Variants in SLCO2B1 observed in about 807,000 individuals in gnomAD.
The protein encoded by SLCO2B1 is OATP-RP2.
In SLCO2B1, 41 loss-of-function variants were observed where a neutral mutation model predicts 67.3. That is an observed-to-expected ratio of 0.61 (90% CI 0.47 to 0.79). SLCO2B1 has a LOEUF of 0.79. Among genes scored for constraint, SLCO2B1 ranks in the 30% least tolerant of loss-of-function variants. SLCO2B1 has a pLI of 0.00. For synonymous variants in SLCO2B1, 379 were observed against 381.4 expected (o/e 0.99, Z 0.07); for missense variants, 837 against 920.1 (o/e 0.91, Z 1.17).
intron 10 of SLCO2B1, among the ~76,000 whole-genome samples, chr11:75,196,887 T>C (rs1202525649): frequency 1.3e-5 from 2 of 152,204 alleles, no homozygotes; most frequent in South Asian, 2.1e-4. Context: ...CCCAACACTT[T>C]GGGAGGCCGA....
chr11:75,188,697 G>A (rs1402804672), intron 8 of SLCO2B1, among the ~76,000 whole-genome samples: 1 of 152,192 alleles, frequency 6.6e-6, no homozygotes, highest in African/African-American at 2.4e-5. Flanking sequence ...CTGCACTCCA[G>A]CAGACAGAGA....
chr11:75,170,908 A>T (rs560988689), intron 6 of SLCO2B1, among the ~76,000 whole-genome samples: 1 of 152,298 alleles, frequency 6.6e-6, no homozygotes, highest in African/African-American at 2.4e-5. Context: ...GTATCTCCAC[A>T]GGCAGATGTG....
chr11:75,155,915 G>A lies in SLCO2B1; in HGVS notation c.16+4518G>A, dbSNP rs575170601. 2.8e-4 allele frequency among the ~76,000 whole-genome samples: 42 copies of A among 152,160 alleles called. 1 individual carries two copies. The highest frequency in any genetic ancestry group is 5.0e-4 in the Non-Finnish European group (34 of 68,030). ...TGGAGCCAGGGAATAATGCTCACTAGGGTGGGGGGTACGTGGGATGGGACT... is the reference window on the plus strand; with the variant it reads ...TGGAGCCAGGGAATAATGCTCACTAAGGTGGGGGGTACGTGGGATGGGACT... On this transcript the variant is annotated intron_variant, in intron 1 of 13. Coordinates refer to ENST00000289575, the MANE Select transcript of SLCO2B1 (RefSeq NM_007256.5).
At chr11:75,157,325 T>A (rs114326655) in intron 1 of SLCO2B1, among the ~76,000 whole-genome samples, 3,856 of 152,324 alleles carry the variant, frequency 0.025, 171 homozygotes, top group African/African-American at 0.088. Flanking sequence ...ATGTGAATGT[T>A]GACGGTAAGG....
At chr11:75,167,367 G>A (rs1057281318) in intron 4 of SLCO2B1, among the ~76,000 whole-genome samples, 16 of 152,204 alleles carry the variant, frequency 1.1e-4, no homozygotes, top group South Asian at 4.2e-4. Context: ...CTTTTTCTGT[G>A]CAAGGTCATG....
chr11:75,196,558 G>T lies in SLCO2B1; in HGVS notation c.1478G>T (p.Cys493Phe). Residue 493 changes from cysteine to phenylalanine, a missense_variant, in exon 10 of 14, where the codon TGC (cysteine) becomes TTC (phenylalanine). Cys to Phe is a radical substitution (Grantham distance 205). Coordinates refer to ENST00000289575, the MANE Select transcript of SLCO2B1 (RefSeq NM_007256.5). ...CTGTCTCCAAGCTGCATGGAGGCCT[G>T]CTCCTGCCCATTGGACGGCTTTAAC... ...LELSPSCMEA[C>F]SCPLDGFNPV... 6.2e-7 allele frequency: 1 copy of T among 1,614,102 alleles called. No individual in the cohort carries two copies. The highest frequency in any genetic ancestry group is 8.5e-7 in the Non-Finnish European group (1 of 1,180,026).
intron 1 of SLCO2B1, among the ~76,000 whole-genome samples, chr11:75,161,928 G>A (rs1057168543): frequency 1.3e-5 from 2 of 152,122 alleles, no homozygotes; most frequent in Non-Finnish European, 2.9e-5. Flanking sequence ...AAGCCAACAT[G>A]CATAAGGGAG....
intron 2 of SLCO2B1, among the ~76,000 whole-genome samples, 182 bp from the exon 3 acceptor site, chr11:75,163,781 C>T (rs1949852601): frequency 6.6e-6 from 1 of 151,972 alleles, no homozygotes; most frequent in Non-Finnish European, 1.5e-5. Flanking sequence ...CCCCTCCCTC[C>T]TCCTCTCCCT....
intron 8 of SLCO2B1, among the ~76,000 whole-genome samples, chr11:75,190,104 G>C (rs925687042): frequency 2.8e-4 from 43 of 152,218 alleles, no homozygotes; most frequent in Admixed American, 2.4e-3. Flanking sequence ...CCTAGCCTCA[G>C]GCCACCCCCA....
intron 3 of SLCO2B1, among the ~76,000 whole-genome samples, chr11:75,165,252 T>G (rs1355319373): frequency 1.3e-5 from 2 of 152,024 alleles, no homozygotes; most frequent in Non-Finnish European, 2.9e-5. Flanking sequence ...GCCGACATGG[T>G]GAAACCCCGT....
intron 1 of SLCO2B1, among the ~76,000 whole-genome samples, chr11:75,155,297 C>G (rs367954159): frequency 3.0e-4 from 45 of 152,224 alleles, no homozygotes; most frequent in African/African-American, 1.1e-3. Context: ...GCCTTTGACT[C>G]TCTCTCCTCC....
intron 2 of SLCO2B1, 67 bp downstream of exon 2, chr11:75,162,852 G>A (rs1949839201): frequency 6.5e-7 from 1 of 1,541,150 alleles, no homozygotes; most frequent in African/African-American, 1.4e-5. Context: ...TGCTGGTGGT[G>A]TAATGCCAAG....
intron 7 of SLCO2B1, among the ~76,000 whole-genome samples, 183 bp downstream of exon 7, chr11:75,172,752 A>AC (rs987931631): frequency 2.0e-5 from 3 of 151,878 alleles, no homozygotes; most frequent in Non-Finnish European, 2.9e-5. Context: ...ACACGGTGAA[A>AC]CCCCGTCTCT....
At chr11:75,151,642 G>A (rs1565528937) in intron 1 of SLCO2B1, 1 of 567,142 alleles carries the variant, frequency 1.8e-6, no homozygotes, top group East Asian at 2.9e-5. Flanking sequence ...CCTCGTTGAT[G>A]AGACCGAGAC....
At chr11:75,167,681 T>A (rs1949909074) in intron 4 of SLCO2B1, among the ~76,000 whole-genome samples, 4 of 152,056 alleles carry the variant, frequency 2.6e-5, no homozygotes, top group Admixed American at 2.6e-4. Flanking sequence ...GTAGGCCCCA[T>A]GCCCAGGCAC....
At chr11:75,171,619 T>A (rs1949961623) in intron 6 of SLCO2B1, among the ~76,000 whole-genome samples, 1 of 152,174 alleles carries the variant, frequency 6.6e-6, no homozygotes. Context: ...TGTACACAAC[T>A]CAGCCTTGTG....
In SLCO2B1 at chr11:75,163,928, C is replaced by T. The variant is rs370347172; in HGVS notation, c.148-35C>T. 86 of 1,573,206 alleles carry T rather than the reference C, an allele frequency of 5.5e-5. No individual in the cohort carries two copies. In the African/African-American group the frequency reaches 9.8e-4, roughly 18 times the overall value. ...TCTGCCTCTTTGTCTCCCCCTGCAC[C>T]GCCCACCTCTGCCTGCCTCCGGGTC... is the stretch of plus-strand genomic sequence containing the variant. On this transcript the variant is annotated intron_variant, in intron 2 of 13. Coordinates refer to ENST00000289575, the MANE Select transcript of SLCO2B1 (RefSeq NM_007256.5).
intron 7 of SLCO2B1, among the ~76,000 whole-genome samples, chr11:75,176,867 C>T (rs764212858): frequency 1.4e-4 from 22 of 152,290 alleles, no homozygotes; most frequent in Admixed American, 5.2e-4. Context: ...CTAGACCCTG[C>T]TGCATCTCAC....
chr11:75,174,551 G>A lies in SLCO2B1; in HGVS notation c.972+1982G>A, dbSNP rs1405698614. On this transcript the variant is annotated intron_variant, in intron 7 of 13. Coordinates refer to ENST00000289575, the MANE Select transcript of SLCO2B1 (RefSeq NM_007256.5). ...ACAGTGATGAGTTGGGCTGATGCTG[G>A]GATTGGGTGCAGCTGTCTCAGAGGC... Among the ~76,000 whole-genome samples the A allele has an allele frequency of 2.0e-5, 3 of 152,162 alleles. 1 individual carries two copies. The highest frequency in any genetic ancestry group is 4.4e-5 in the Non-Finnish European group (3 of 68,032).
Sources: gnomAD v4.1 joint callset for allele counts (sites outside exome capture counted in the v4.1 genomes callset) on GRCh38, gnomAD v4.1.1 for gene constraint, MANE v1.5 for transcripts, NCBI Gene and HGNC (gene_info 2026-07-23, HGNC 2026-07-21) for gene names.